Variants in ANKAR observed in about 807,000 individuals in gnomAD.
ANKAR encodes the protein ankyrin and armadillo repeat containing, also known as ankyrin and armadillo repeat-containing protein.
In ANKAR, 136 loss-of-function variants were observed where a neutral mutation model predicts 146.2. That is an observed-to-expected ratio of 0.93 (90% confidence interval 0.81 to 1.07). The LOEUF (loss-of-function observed/expected upper bound fraction) is 1.07. Ranked by LOEUF, ANKAR falls within the 50% of genes least tolerant of loss-of-function variation. The pLI, the probability that ANKAR is intolerant of heterozygous loss-of-function variation, is 0.00. For missense variants in ANKAR, 1,567 were observed against 1,679.9 expected (o/e 0.93, Z 1.18); for synonymous variants, 500 against 575.8 (o/e 0.87, Z 1.88).
intron 6 of ANKAR, 48 bp from the exon 7 acceptor site, chr2:189,696,102 A>C (rs1340836146): frequency 6.3e-7 from 1 of 1,578,472 alleles, no homozygotes; most frequent in African/African-American, 1.4e-5. Flanking sequence ...CCTTAAACCA[A>C]ACTTTAGGTG....
At chr2:189,739,876 T>C (rs1398439129) in intron 19 of ANKAR, among the ~76,000 whole-genome samples, 7 of 152,080 alleles carry the variant, frequency 4.6e-5, no homozygotes, top group African/African-American at 1.2e-4. Flanking sequence ...CAAACTCTTA[T>C]AGGAAAGAAA....
At chr2:189,712,037 G>C (rs2039766457) in intron 10 of ANKAR, among the ~76,000 whole-genome samples, 1 of 152,226 alleles carries the variant, frequency 6.6e-6, no homozygotes, top group South Asian at 2.1e-4. Flanking sequence ...CAGCCTGGCA[G>C]GGGGAGGGGC....
intron 17 of ANKAR, among the ~76,000 whole-genome samples, chr2:189,736,011 T>C (rs117475359): frequency 1.3e-5 from 2 of 152,164 alleles, no homozygotes; most frequent in African/African-American, 4.8e-5. Flanking sequence ...AATGAAAATA[T>C]ATATGAAGTA....
chr2:189,748,158 G>A (rs1208290779), downstream of ANKAR, among the ~76,000 whole-genome samples: 1 of 152,184 alleles, frequency 6.6e-6, no homozygotes, highest in Non-Finnish European at 1.5e-5. Context: ...CTATGTGCTA[G>A]AGTCCAAAGT....
intron 18 of ANKAR, 77 bp from the exon 19 acceptor site, chr2:189,738,488 T>C: frequency 4.7e-6 from 4 of 846,444 alleles, no homozygotes; most frequent in Non-Finnish European, 7.4e-6. Context: ...AAAAAAAACA[T>C]AAAAAATGAC....
At chr2:189,758,026 G>T (rs1344091597) in intron 18 of ANKAR, among the ~76,000 whole-genome samples, 1 of 152,140 alleles carries the variant, frequency 6.6e-6, no homozygotes, top group Non-Finnish European at 1.5e-5. Flanking sequence ...CTACATCATG[G>T]GGGCGTATTT....
At chr2:189,694,950 G>A in intron 5 of ANKAR, 31 bp from the exon 6 acceptor site, 1 of 1,357,552 alleles carries the variant, frequency 7.4e-7, no homozygotes, top group Non-Finnish European at 9.7e-7. Context: ...CAAAGTTAGA[G>A]AAACATCTTT....
chr2:189,758,313 G>T (rs948636770), intron 18 of ANKAR, among the ~76,000 whole-genome samples: 1 of 152,044 alleles, frequency 6.6e-6, no homozygotes, highest in Non-Finnish European at 1.5e-5. Flanking sequence ...CCCGGGAGGC[G>T]GAGGTTGTGA....
chr2:189,674,896 T>G (rs1376576721), intron 1 of ANKAR, 66 bp downstream of exon 1: 1 of 152,490 alleles, frequency 6.6e-6, no homozygotes, highest in Non-Finnish European at 1.5e-5. Flanking sequence ...GAGCTGCTTT[T>G]GGACGTGGGT....
intron 12 of ANKAR, among the ~76,000 whole-genome samples, chr2:189,725,924 G>T (rs1422063058): frequency 6.6e-6 from 1 of 151,888 alleles, no homozygotes; most frequent in Non-Finnish European, 1.5e-5. Context: ...GAAAAGAAAA[G>T]AAAAGAAAAG....
chr2:189,715,373 C>G (rs1436939264), intron 10 of ANKAR, among the ~76,000 whole-genome samples: 1 of 152,146 alleles, frequency 6.6e-6, no homozygotes, highest in Non-Finnish European at 1.5e-5. Context: ...CATACAACCT[C>G]CCAAGAGTAA....
intron 1 of ANKAR, among the ~76,000 whole-genome samples, 199 bp downstream of exon 1, chr2:189,675,029 C>G (rs2033299345): frequency 6.6e-6 from 1 of 152,184 alleles, no homozygotes; most frequent in Non-Finnish European, 1.5e-5. Flanking sequence ...GTCTGACTCA[C>G]TGACCTGGGG....
chr2:189,739,010 A>C (rs1398086199), intron 19 of ANKAR, among the ~76,000 whole-genome samples: 1 of 152,228 alleles, frequency 6.6e-6, no homozygotes, highest in Non-Finnish European at 1.5e-5. Flanking sequence ...ACTGATTTAT[A>C]ATAGTGGTGG....
In ANKAR at chr2:189,719,564, C is replaced by T. The variant is rs1225657234; in HGVS notation, c.2225-8C>T. 6.3e-7 allele frequency: 1 copy of T among 1,577,718 alleles called. No homozygotes were observed. The highest frequency in any genetic ancestry group is 1.1e-5 in the South Asian group (1 of 87,050). On this transcript the variant is annotated splice_polypyrimidine_tract_variant and splice_region_variant and intron_variant, in intron 10 of 22. Coordinates refer to ENST00000684021, the MANE Select transcript of ANKAR (RefSeq NM_001378068.1). The stretch of plus-strand genomic sequence containing the variant: ...TGCTTTTTAATTTTTTTGCTCTTGT[C>T]ATTACAGGCACCATTCCTGCCTTAA...
chr2:189,754,687 TTTTG>T (rs541427954), intron 18 of ANKAR: 314 of 260,540 alleles, frequency 1.2e-3, no homozygotes, highest in Middle Eastern at 1.4e-3. Context: ...GGAAGCAGTG[TTTTG>T]TTTGTTTGTT....
At chr2:189,740,902 C>T (rs1189250185) in intron 19 of ANKAR, among the ~76,000 whole-genome samples, 1 of 152,040 alleles carries the variant, frequency 6.6e-6, no homozygotes, top group African/African-American at 2.4e-5. Flanking sequence ...CCATGTTGGT[C>T]AGGCTGGTCA....
chr2:189,682,865 GTCATATA>G (rs1341880437), intron 2 of ANKAR, among the ~76,000 whole-genome samples: 1 of 152,166 alleles, frequency 6.6e-6, no homozygotes, highest in African/African-American at 2.4e-5. Context: ...ACTCTGAGGA[GTCATATA>G]GAATACACTG....
downstream of ANKAR, chr2:189,747,456 A>C (rs1411503784): frequency 6.6e-6 from 1 of 152,232 alleles, no homozygotes; most frequent in Non-Finnish European, 1.5e-5. Flanking sequence ...TTAAAAATAA[A>C]ATCTGAAATC....
At chr2:189,679,339 T>G (rs1427538218) in intron 2 of ANKAR, among the ~76,000 whole-genome samples, 1 of 152,222 alleles carries the variant, frequency 6.6e-6, no homozygotes, top group East Asian at 1.9e-4. Flanking sequence ...CTAAATTCCT[T>G]TATGGCATCT....
Sources: allele counts gnomAD v4.1 joint callset (sites outside exome capture counted in the v4.1 genomes callset), GRCh38; gene constraint gnomAD v4.1.1; transcripts MANE v1.5; gene names NCBI Gene and HGNC (gene_info 2026-07-23, HGNC 2026-07-21).